SMARCA2: variants seen among roughly 807,000 people sequenced by gnomAD.
The protein encoded by SMARCA2 is SWI/SNF related BAF chromatin remodeling complex subunit ATPase 2, also known as SWI/SNF-related matrix-associated actin-dependent regulator of chromatin subfamily A member 2.
SMARCA2 carries 61 observed loss-of-function variants against 199.8 expected under a neutral mutation model. That is an observed-to-expected ratio of 0.31 (90% CI 0.25 to 0.38). The LOEUF (loss-of-function observed/expected upper bound fraction) is 0.38. SMARCA2 is among the 10% of genes least tolerant of loss of function. The probability of loss-of-function intolerance (pLI) is 1.00; values close to 1 mark genes in which losing one functional copy is unlikely to be tolerated. For synonymous variants in SMARCA2, 935 were observed against 732.0 expected, an observed-to-expected ratio of 1.28 and a Z score of -4.48; for missense variants, 1,344 against 2,012.2, an observed-to-expected ratio of 0.67 and a Z score of 6.35.
rs1819527005 is a variant in SMARCA2 at position 2,039,879 on chromosome 9, G to C, written c.769G>C (p.Val257Leu). 6.2e-7 allele frequency: 1 copy of C among 1,613,882 alleles called. No individual in the cohort carries two copies. The highest frequency in any genetic ancestry group is 8.5e-7 in the Non-Finnish European group (1 of 1,179,990). Residue 257 changes from valine (V) to leucine (L), a missense_variant, in exon 4 of 34, where the codon GTT becomes CTT. By Grantham distance (32) the Val-to-Leu change is conservative. This residue lies in a region of SMARCA2 where 117 missense variants were observed against 99.1 expected (regional missense o/e 1.18). Transcript: ENST00000349721. The surrounding 1 kb of genome is among the most constrained non-coding windows in gnomAD (Gnocchi z 4.8). Reference protein sequence around the residue: ...QTQQQQQPALVNYNRPSGPGP... With the variant: ...QTQQQQQPALLNYNRPSGPGP... ...GCAGCAACAACAGCAGCCGGCCCTTGTTAACTACAACAGACCATCTGGTAG... is the reference window on the plus strand; with the variant it reads ...GCAGCAACAACAGCAGCCGGCCCTTCTTAACTACAACAGACCATCTGGTAG...
At chr9:2,156,440 T>G in intron 27 of SMARCA2, among the ~76,000 whole-genome samples, 1 of 69,918 alleles carries the variant, frequency 1.4e-5, no homozygotes, top group African/African-American at 4.0e-5. Context: ...TTTTTTTTTT[T>G]TTTTTTGAGG....
chr9:2,076,418 A>G, intron 13 of SMARCA2, 89 bp downstream of exon 13: 1 of 822,282 alleles, frequency 1.2e-6, no homozygotes. Flanking sequence ...CAAGGAAGGC[A>G]ACTAACTTCA....
chr9:2,077,334 C>A (rs1024966798), intron 13 of SMARCA2, among the ~76,000 whole-genome samples: 15 of 152,144 alleles, frequency 9.9e-5, no homozygotes, highest in Admixed American at 7.9e-4. Flanking sequence ...GTCAAGGGGG[C>A]CTGCATTCGA....
intron 29 of SMARCA2, among the ~76,000 whole-genome samples, chr9:2,171,175 C>T (rs80120503): frequency 0.012 from 1,847 of 152,212 alleles, 23 homozygotes; most frequent in Non-Finnish European, 0.02. Context: ...GTGCATGATA[C>T]GCCAAGGCTA....
chr9:2,083,515 T>C (rs2130472067), intron 16 of SMARCA2, 102 bp downstream of exon 16: 1 of 703,104 alleles, frequency 1.4e-6, no homozygotes, highest in South Asian at 1.8e-5. Context: ...GGTTGTAAAG[T>C]TTTGTCATGT....
intron 3 of SMARCA2, among the ~76,000 whole-genome samples, chr9:2,035,768 G>A (rs1819302605): frequency 6.6e-6 from 1 of 152,174 alleles, no homozygotes; most frequent in Non-Finnish European, 1.5e-5. Context: ...AAGGGAATCA[G>A]AATTAACATG....
rs1826207592 is a variant in SMARCA2, at chr9:2,170,793, C to T, written c.4253+321C>T. 1.3e-5 allele frequency among the ~76,000 whole-genome samples: 2 copies of T among 152,192 alleles called. No individual in the cohort carries two copies. Among genetic ancestry groups the T allele is most frequent in the South Asian group, 4.1e-4 (2 of 4,830 alleles). ...TGTTGCTTCCCCCTCCCTTCCAGCG[C>T]AGCTTCTGTTGTGTGTTCCTTGGGC... On this transcript the variant is annotated intron_variant, in intron 29 of 33. Coordinates refer to ENST00000349721, the MANE Select transcript of SMARCA2 (RefSeq NM_003070.5). This position sits in a 1 kb window ranked among gnomAD's most constrained non-coding sequence, Gnocchi z 4.7.
At chr9:2,158,754 C>A in intron 27 of SMARCA2, 1 of 459,514 alleles carries the variant, frequency 2.2e-6, no homozygotes, top group East Asian at 3.4e-5. Flanking sequence ...TTTAAAATCT[C>A]CATGAATAAT....
At chr9:2,028,894 A>G (rs1337781520) in intron 1 of SMARCA2, 93 bp from the exon 2 acceptor site, 3 of 1,051,376 alleles carry the variant, frequency 2.9e-6, no homozygotes, top group Non-Finnish European at 4.2e-6. Flanking sequence ...TGTTTGTTAC[A>G]GAAATGGCAC....
At chr9:2,076,090 C>A in intron 12 of SMARCA2, 139 bp from the exon 13 acceptor site, 2 of 622,136 alleles carry the variant, frequency 3.2e-6, no homozygotes, top group East Asian at 5.5e-5. Flanking sequence ...GTAGATGTTA[C>A]ATTTACTTCC....
intron 2 of SMARCA2, 108 bp from the exon 3 acceptor site, chr9:2,032,844 A>G (rs1819131788): frequency 1.8e-5 from 17 of 948,172 alleles, no homozygotes. Context: ...AATGGGTAGT[A>G]GATGATAGTG....
In SMARCA2 at chr9:2,036,991, G is replaced by A. The variant is rs116072593; in HGVS notation, c.356-2475G>A. ...TGTAATTGATGACCTTAGGAAATAG[G>A]AAAGACCGGAAATCAGGAAACATAT... On this transcript the variant is annotated intron_variant, in intron 3 of 33. Coordinates refer to ENST00000349721, the MANE Select transcript of SMARCA2 (RefSeq NM_003070.5). Among the ~76,000 whole-genome samples, 625 of 152,250 alleles carry A rather than the reference G, an allele frequency of 4.1e-3. 3 individuals are homozygous for A. Among genetic ancestry groups the A allele is most frequent in the African/African-American group, 0.014 (592 of 41,540 alleles).
chr9:2,104,192 T>C lies in SMARCA2; in HGVS notation c.3292+23T>C. 2 of 1,598,484 alleles carry C rather than the reference T, an allele frequency of 1.3e-6. No homozygotes were observed. Among genetic ancestry groups the C allele is most frequent in the South Asian group, 1.1e-5 (1 of 89,498 alleles). On this transcript the variant is annotated intron_variant, in intron 23 of 33. Coordinates refer to ENST00000349721, the MANE Select transcript of SMARCA2 (RefSeq NM_003070.5). This position sits in a 1 kb window ranked among gnomAD's most constrained non-coding sequence, Gnocchi z 4.0. The stretch of plus-strand genomic sequence containing the variant: ...ATGGTAAGTGCATAAGGCATTAGGC[T>C]CGGAAGCCATACTACTGAAAATGAA...
intron 1 of SMARCA2, among the ~76,000 whole-genome samples, chr9:2,024,813 G>A (rs1045283368): frequency 3.9e-5 from 6 of 152,156 alleles, no homozygotes; most frequent in African/African-American, 1.2e-4. Flanking sequence ...GTTACTTTGG[G>A]CAAGCCATGT....
rs919202497 is a variant in SMARCA2 at position 2,056,603 on chromosome 9, C to T, written c.1174-69C>T. 13 of 1,435,342 alleles carry T rather than the reference C, an allele frequency of 9.1e-6. No homozygotes were observed. The highest frequency in any genetic ancestry group is 4.0e-5 in the South Asian group (3 of 74,920). The allele number at this position is 1,435,342 out of a possible 1,614,324, so 88.9% of individuals were successfully genotyped here. On this transcript the variant is annotated intron_variant, in intron 6 of 33. Transcript: ENST00000349721. The surrounding 1 kb of genome is among the most constrained non-coding windows in gnomAD (Gnocchi z 4.0). ...CACTCTATTCCATTAAATGCAACCG[C>T]GAGAAGGCCAGAGTTCAGGAACCTA...
Position 2,191,114 on chromosome 9 carries a change from A to G in SMARCA2, c.4595-152A>G. On this transcript the variant is annotated intron_variant, in intron 32 of 33. Transcript: ENST00000349721. ...TGGCAAGTGAAAGGGGTCGCTGACTAGACAGAACCACACAGAACAGGCATA... is the reference window on the plus strand; with the variant it reads ...TGGCAAGTGAAAGGGGTCGCTGACTGGACAGAACCACACAGAACAGGCATA... 3 of 727,992 alleles carry G rather than the reference A, an allele frequency of 4.1e-6. No homozygotes were observed. The South Asian group carries it at 5.4e-5, about 13-fold the overall frequency. 45.1% of individuals were successfully genotyped at this position (727,992 alleles called of 1,614,324 possible). A position where few individuals can be genotyped will look rare whatever the true frequency, so the allele number is the denominator to read the frequency against.
In SMARCA2 at chr9:2,151,346, G is replaced by T. The variant is rs987006081; in HGVS notation, c.3982-10340G>T. ...CTGCAAAGAAACAGGTAGTAGTAAT[G>T]AAGGAAGTGAAATTTGTTGTGATGA... On this transcript the variant is annotated intron_variant, in intron 27 of 33. Transcript: ENST00000349721. Among the ~76,000 whole-genome samples the T allele has an allele frequency of 4.0e-5, 6 of 151,548 alleles. 1 individual carries two copies. The highest frequency in any genetic ancestry group is 1.5e-4 in the African/African-American group (6 of 41,352).
In SMARCA2 at chr9:2,016,519, C is replaced by G. The variant is rs1341288154; in HGVS notation, c.-37+1115C>G. The G allele has an allele frequency of 6.5e-6, 1 of 152,672 alleles. No individual in the cohort carries two copies. The highest frequency in any genetic ancestry group is 1.5e-5 in the Non-Finnish European group (1 of 68,492). The allele number at this position is 152,672 out of a possible 1,614,324, so 9.5% of individuals were successfully genotyped here. Reference sequence around the variant, plus strand: ...GATCGTCCGGGTGCTAGGGGCGCGCCGGGACCCAGGAGAGCCACGGCGGCG... The same window carrying G: ...GATCGTCCGGGTGCTAGGGGCGCGCGGGGACCCAGGAGAGCCACGGCGGCG... On this transcript the variant is annotated intron_variant, in intron 1 of 33. Coordinates refer to ENST00000349721, the MANE Select transcript of SMARCA2 (RefSeq NM_003070.5). The surrounding 1 kb of genome is among the most constrained non-coding windows in gnomAD (Gnocchi z 5.6).
At chr9:2,028,512 G>A (rs1248041384) in intron 1 of SMARCA2, among the ~76,000 whole-genome samples, 2 of 152,064 alleles carry the variant, frequency 1.3e-5, no homozygotes, top group Admixed American at 6.5e-5. Flanking sequence ...TATTTTTCCC[G>A]GTTTAACTAT....
Sources: allele counts gnomAD v4.1 joint callset (sites outside exome capture counted in the v4.1 genomes callset), GRCh38; gene constraint gnomAD v4.1.1; regional missense constraint gnomAD v4.1.1; non-coding constraint Gnocchi (gnomAD v3.1); transcripts MANE v1.5; gene names NCBI Gene and HGNC (gene_info 2026-07-23, HGNC 2026-07-21).